The following PDSS2 variants were observed in gnomAD, a reference collection of about 807,000 sequenced individuals.
PDSS2 encodes the protein all trans-polyprenyl-diphosphate synthase PDSS2.
In PDSS2, 31 loss-of-function variants were observed where a neutral mutation model predicts 44.5. The observed-to-expected ratio is 0.70, with a 90% CI of 0.52 to 0.94. PDSS2 has a LOEUF of 0.94. Among genes scored for constraint, PDSS2 ranks in the 40% least tolerant of loss-of-function variants. PDSS2 has a pLI of 0.00. For synonymous variants in PDSS2, 157 were observed against 180.3 expected (o/e 0.87, Z 1.03); for missense variants, 452 against 482.2 (o/e 0.94, Z 0.59).
chr6:107,456,270 G>A lies in PDSS2; in HGVS notation c.296+2720C>T, dbSNP rs189384849. ...CGGGAGGTGGAAGCTGCAGTGAGCC[G>A]AGACTGTGCCACTGCACTCCAGCCT... On this transcript the variant is annotated intron_variant, in intron 1 of 7. Coordinates refer to ENST00000369037, the MANE Select transcript of PDSS2 (RefSeq NM_020381.4). Among the ~76,000 whole-genome samples the A allele has an allele frequency of 4.3e-4, 66 of 152,296 alleles. No homozygotes were observed. In the East Asian group the frequency reaches 0.01, roughly 24 times the overall value.
chr6:107,386,715 TC>T (rs1779622667), intron 1 of PDSS2, among the ~76,000 whole-genome samples: 1 of 152,230 alleles, frequency 6.6e-6, no homozygotes, highest in Admixed American at 6.5e-5. Flanking sequence ...TACTACTTTA[TC>T]AATGAAGCTA....
intron 1 of PDSS2, among the ~76,000 whole-genome samples, chr6:107,396,122 A>G (rs777798366): frequency 6.6e-6 from 1 of 152,204 alleles, no homozygotes; most frequent in East Asian, 1.9e-4. Flanking sequence ...CAGCTCCTCA[A>G]TAACTTTTTC....
chr6:107,232,002 GC>G (rs1774068036), intron 4 of PDSS2, among the ~76,000 whole-genome samples: 1 of 151,162 alleles, frequency 6.6e-6, no homozygotes, highest in African/African-American at 2.4e-5. Context: ...CCCTAGTAAA[GC>G]CCCAGCTCCA....
chr6:107,421,334 C>T lies in PDSS2; in HGVS notation c.296+37656G>A, dbSNP rs554746969. ...TACCATACAACCCAACAATCACACT[C>T]CCAAGCTTTTATCTTAAAGAAACAA... On this transcript the variant is annotated intron_variant, in intron 1 of 7. Coordinates refer to ENST00000369037, the MANE Select transcript of PDSS2 (RefSeq NM_020381.4). 4.6e-5 allele frequency among the ~76,000 whole-genome samples: 7 copies of T among 152,248 alleles called. 1 individual carries two copies. The South Asian group carries it at 1.5e-3, about 32-fold the overall frequency.
At chr6:107,267,588 C>CTTTTTTT (rs55860139) in intron 3 of PDSS2, among the ~76,000 whole-genome samples, 16 of 132,362 alleles carry the variant, frequency 1.2e-4, no homozygotes, top group African/African-American at 4.1e-4. Context: ...GATTCTCTTT[C>CTTTTTTT]TTTTTTTTTT....
In PDSS2 at chr6:107,212,836, CAA is replaced by C. The variant is rs68101776; in HGVS notation, c.703-556_703-555del. On this transcript the variant is annotated intron_variant, in intron 4 of 7. Coordinates refer to ENST00000369037, the MANE Select transcript of PDSS2 (RefSeq NM_020381.4). ...GCCTGGGCAACATAGCAAGACTCTA[CAA>C]AAAAAAAAAAAAAAAAATAGCTAGG... is the stretch of plus-strand genomic sequence containing the variant. 8.1e-3 allele frequency among the ~76,000 whole-genome samples: 1,039 copies of C among 127,770 alleles called. 6 individuals carry two copies. The highest frequency in any genetic ancestry group is 0.026 in the African/African-American group (893 of 34,586). 83.8% of individuals were successfully genotyped at this position (127,770 alleles called of 152,430 possible). A position where few individuals can be genotyped will look rare whatever the true frequency, so the allele number is the denominator to read the frequency against.
At chr6:107,451,505 A>T (rs576395495) in intron 1 of PDSS2, among the ~76,000 whole-genome samples, 1 of 152,262 alleles carries the variant, frequency 6.6e-6, no homozygotes, top group South Asian at 2.1e-4. Context: ...TCCAGGGCTC[A>T]GGGCATAAAC....
chr6:107,276,164 G>A (rs1582881338), intron 2 of PDSS2, among the ~76,000 whole-genome samples: 2 of 148,678 alleles, frequency 1.3e-5, no homozygotes, highest in African/African-American at 5.0e-5. Context: ...TCAGAAGGTA[G>A]AGCCAAGAAC....
chr6:107,284,715 C>T (rs1166924993), intron 2 of PDSS2, among the ~76,000 whole-genome samples: 1 of 151,902 alleles, frequency 6.6e-6, no homozygotes, highest in Non-Finnish European at 1.5e-5. Context: ...TTAGCTACAC[C>T]CTTCATTCCT....
intron 4 of PDSS2, among the ~76,000 whole-genome samples, chr6:107,239,023 A>G (rs1291034401): frequency 6.6e-6 from 1 of 152,222 alleles, no homozygotes; most frequent in African/African-American, 2.4e-5. Context: ...CACGCCTGTA[A>G]TCCCAGCACT....
At chr6:107,430,263 GC>G (rs1437184243) in intron 1 of PDSS2, among the ~76,000 whole-genome samples, 3 of 152,020 alleles carry the variant, frequency 2.0e-5, no homozygotes, top group Non-Finnish European at 4.4e-5. Context: ...ACTTTGGGAG[GC>G]CAAGGTGGGT....
intron 1 of PDSS2, among the ~76,000 whole-genome samples, chr6:107,448,536 T>G (rs2100967): frequency 0.19 from 28,489 of 152,140 alleles, 3,144 homozygotes; most frequent in East Asian, 0.39. Context: ...AGCCTGGATT[T>G]CATTGTCCAT....
chr6:107,296,230 T>A (rs1776503674), intron 2 of PDSS2, among the ~76,000 whole-genome samples: 1 of 152,104 alleles, frequency 6.6e-6, no homozygotes, highest in African/African-American at 2.4e-5. Context: ...CCCTAACACA[T>A]GGTGAGAATA....
In PDSS2 at chr6:107,459,125, G is replaced by T; in HGVS notation, c.161C>A (p.Ser54Ter). ...KSPAHWNQVV[S>*]EAEKIVGYPT... ...GTACCCCACGATCTTCTCCGCCTCT[G>T]ACACTACCTGATTCCAGTGGGCCGG... The change falls in exon 1 of 8, where the codon TCA becomes TAA. Residue 54 changes from serine (S) to a stop codon, truncating the protein, a stop_gained. Coordinates refer to ENST00000369037, the MANE Select transcript of PDSS2 (RefSeq NM_020381.4). LOFTEE classifies it high-confidence loss of function. This position sits in a 1 kb window ranked among gnomAD's most constrained non-coding sequence, Gnocchi z 4.3. 1 of 1,614,136 alleles carries T rather than the reference G, an allele frequency of 6.2e-7. No individual in the cohort carries two copies. Among genetic ancestry groups the T allele is most frequent in the Non-Finnish European group, 8.5e-7 (1 of 1,180,040 alleles).
At chr6:107,286,881 A>AG (rs1396300786) in intron 2 of PDSS2, among the ~76,000 whole-genome samples, 1 of 152,066 alleles carries the variant, frequency 6.6e-6, no homozygotes, top group African/African-American at 2.4e-5. Context: ...TCTACTAAAA[A>AG]TAGAAAAAAT....
At chr6:107,306,342 G>T (rs904459382) in intron 2 of PDSS2, among the ~76,000 whole-genome samples, 2 of 152,116 alleles carry the variant, frequency 1.3e-5, no homozygotes, top group Non-Finnish European at 2.9e-5. Flanking sequence ...TTTGAAAAAT[G>T]GGAGTCTCTC....
chr6:107,235,468 TG>T (rs1414311376), intron 4 of PDSS2, among the ~76,000 whole-genome samples: 1 of 152,100 alleles, frequency 6.6e-6, no homozygotes, highest in Non-Finnish European at 1.5e-5. Context: ...GCTTTAATAG[TG>T]AAAAAAATTG....
In PDSS2 at chr6:107,350,878, A is replaced by G. The variant is rs111603796; in HGVS notation, c.297-16546T>C. Among the ~76,000 whole-genome samples, 104 of 151,130 alleles carry G rather than the reference A, an allele frequency of 6.9e-4. 2 individuals carry two copies. The highest frequency in any genetic ancestry group is 1.7e-3 in the African/African-American group (68 of 41,208). ...ACAGTCATTATCTTTTCCCTGGGGG[A>G]AAAAAAAACAAAACAGTTCCACATT... On this transcript the variant is annotated intron_variant, in intron 1 of 7. Coordinates refer to ENST00000369037, the MANE Select transcript of PDSS2 (RefSeq NM_020381.4).
intron 1 of PDSS2, among the ~76,000 whole-genome samples, chr6:107,352,772 TG>T (rs1778472817): frequency 6.6e-6 from 1 of 152,198 alleles, no homozygotes; most frequent in African/African-American, 2.4e-5. Context: ...TATTTTTGGT[TG>T]CCACACCTTG....
Sources: gnomAD v4.1 joint callset for allele counts (sites outside exome capture counted in the v4.1 genomes callset) on GRCh38, gnomAD v4.1.1 for gene constraint, Gnocchi (gnomAD v3.1) non-coding constraint, MANE v1.5 for transcripts, NCBI Gene and HGNC (gene_info 2026-07-23, HGNC 2026-07-21) for gene names.